MRPS27: variants seen among roughly 807,000 people sequenced by gnomAD.
MRPS27 encodes small ribosomal subunit protein mS27.
MRPS27 carries 43 observed loss-of-function variants against 48.9 expected under a neutral mutation model. The ratio of observed to expected loss-of-function variants is 0.88; its 90% CI spans 0.69 to 1.13. The LOEUF (loss-of-function observed/expected upper bound fraction) is 1.13. Among genes scored for constraint, MRPS27 ranks in the 50% most tolerant of loss-of-function variants. The pLI, the probability that MRPS27 is intolerant of heterozygous loss-of-function variation, is 0.00. For missense variants in MRPS27, 467 were observed against 476.3 expected (o/e 0.98, Z 0.18); for synonymous variants, 188 against 171.9 (o/e 1.09, Z -0.73).
chr5:72,221,609 T>A (rs535766097), intron 10 of MRPS27, among the ~76,000 whole-genome samples: 2 of 152,200 alleles, frequency 1.3e-5, no homozygotes, highest in Non-Finnish European at 2.9e-5. Flanking sequence ...AATTCTAATA[T>A]GCAAACAAAA....
In MRPS27 at chr5:72,320,137, T is replaced by C. The variant is rs960673329; in HGVS notation, c.73+12A>G. The C allele has an allele frequency of 7.4e-6, 12 of 1,613,060 alleles. No individual in the cohort carries two copies. Among genetic ancestry groups the C allele is most frequent in the Non-Finnish European group, 9.3e-6 (11 of 1,179,044 alleles). On this transcript the variant is annotated intron_variant, in intron 1 of 10. Coordinates refer to ENST00000261413, the MANE Select transcript of MRPS27 (RefSeq NM_015084.3). ...AGAATAATCAGGGGCCTAATGAAGC[T>C]GTCCGGCCAACCTGCAGGAGAGAGC...
intron 1 of MRPS27, among the ~76,000 whole-genome samples, chr5:72,318,916 G>T (rs1438570416): frequency 6.6e-6 from 1 of 152,140 alleles, no homozygotes; most frequent in East Asian, 1.9e-4. Context: ...TTCTTACTAA[G>T]GTGTCAAGCG....
At chr5:72,272,985 G>T (rs898444541) in intron 4 of MRPS27, among the ~76,000 whole-genome samples, 1 of 152,038 alleles carries the variant, frequency 6.6e-6, no homozygotes, top group South Asian at 2.1e-4. Context: ...TAAAAATAAG[G>T]CAAACTCATT....
rs527521634 is a variant in MRPS27 at position 72,266,303 on chromosome 5, C to T, written c.282-28175G>A. On this transcript the variant is annotated intron_variant, in intron 4 of 10. Coordinates refer to ENST00000261413, the MANE Select transcript of MRPS27 (RefSeq NM_015084.3). Reference sequence around the variant, plus strand: ...CCAGACTTTCCTTAGCTGAACCATCCGTAACGTGGTGAAGTAGGTATCTTT... The same window carrying T: ...CCAGACTTTCCTTAGCTGAACCATCTGTAACGTGGTGAAGTAGGTATCTTT... Among the ~76,000 whole-genome samples, 9 of 152,218 alleles carry T rather than the reference C, an allele frequency of 5.9e-5. No homozygotes were observed. The South Asian group carries it at 1.7e-3, about 28-fold the overall frequency.
intron 4 of MRPS27, among the ~76,000 whole-genome samples, chr5:72,266,819 C>G (rs1025469558): frequency 3.9e-5 from 6 of 151,912 alleles, no homozygotes; most frequent in Admixed American, 6.6e-5. Flanking sequence ...GAGATCGCCC[C>G]ACTGCACTCC....
intron 2 of MRPS27, chr5:72,307,953 G>A (rs1290962242): frequency 2.6e-5 from 4 of 152,302 alleles, no homozygotes; most frequent in Non-Finnish European, 5.9e-5. Context: ...AGCAATCACT[G>A]AGAAAGCTTT....
chr5:72,225,106 A>G (rs920167799), intron 9 of MRPS27, among the ~76,000 whole-genome samples: 4 of 152,224 alleles, frequency 2.6e-5, no homozygotes, highest in African/African-American at 7.2e-5. Context: ...ATTTATGTAT[A>G]ATTTTGTGTT....
intron 4 of MRPS27, among the ~76,000 whole-genome samples, chr5:72,255,029 C>CTTTTTTTTTTT (rs70999273): frequency 1.4e-5 from 1 of 72,092 alleles, no homozygotes; most frequent in Non-Finnish European, 2.8e-5. Context: ...CATTTCTTTT[C>CTTTTTTTTTTT]TTTTTTTTTT....
intron 4 of MRPS27, among the ~76,000 whole-genome samples, chr5:72,264,416 A>T (rs58641049): frequency 0.013 from 1,982 of 151,618 alleles, 30 homozygotes; most frequent in African/African-American, 0.038. Context: ...TTTCATTTTT[A>T]AAAAAAAAGA....
chr5:72,249,970 C>T (rs1440073908), intron 4 of MRPS27, among the ~76,000 whole-genome samples: 2 of 151,980 alleles, frequency 1.3e-5, no homozygotes, highest in African/African-American at 4.8e-5. Context: ...GGCGACAGAA[C>T]GAGACTCCAT....
chr5:72,248,348 T>C (rs1371346382), intron 4 of MRPS27, among the ~76,000 whole-genome samples: 1 of 152,180 alleles, frequency 6.6e-6, no homozygotes, highest in Non-Finnish European at 1.5e-5. Context: ...AAAGAGCTGT[T>C]TCTTTAGTAA....
chr5:72,319,646 C>A (rs1353150555), intron 1 of MRPS27, among the ~76,000 whole-genome samples: 1 of 149,260 alleles, frequency 6.7e-6, no homozygotes, highest in East Asian at 2.0e-4. Context: ...CGAGTTCAAG[C>A]GATTATCCTG....
chr5:72,230,345 C>T (rs1169746470), intron 7 of MRPS27, among the ~76,000 whole-genome samples: 1 of 152,220 alleles, frequency 6.6e-6, no homozygotes, highest in Non-Finnish European at 1.5e-5. Flanking sequence ...TTATTCTCCA[C>T]TTCATAGCTA....
At chr5:72,278,325 C>T (rs925573723) in intron 4 of MRPS27, among the ~76,000 whole-genome samples, 1 of 151,904 alleles carries the variant, frequency 6.6e-6, no homozygotes, top group African/African-American at 2.4e-5. Context: ...CGCCTCTAGT[C>T]CCAGCTACTT....
intron 4 of MRPS27, among the ~76,000 whole-genome samples, chr5:72,281,820 T>C (rs1749542054): frequency 6.6e-6 from 1 of 152,220 alleles, no homozygotes; most frequent in Admixed American, 6.5e-5. Flanking sequence ...ATTTCAGTGT[T>C]TGACTTATCA....
chr5:72,296,731 G>C (rs1749992428), intron 3 of MRPS27, among the ~76,000 whole-genome samples: 1 of 152,174 alleles, frequency 6.6e-6, no homozygotes, highest in African/African-American at 2.4e-5. Context: ...AGAAAGAAAG[G>C]ACCAGGATTC....
intron 4 of MRPS27, among the ~76,000 whole-genome samples, chr5:72,245,472 G>A (rs985682184): frequency 2.0e-5 from 3 of 151,954 alleles, no homozygotes; most frequent in African/African-American, 7.3e-5. Context: ...AGGAACTGCA[G>A]ATAAAATTTC....
chr5:72,263,814 G>A (rs565061878), intron 4 of MRPS27, among the ~76,000 whole-genome samples: 3 of 152,100 alleles, frequency 2.0e-5, no homozygotes, highest in East Asian at 1.9e-4. Flanking sequence ...TGGTGCAGCT[G>A]GCCACTATGG....
intron 2 of MRPS27, among the ~76,000 whole-genome samples, chr5:72,301,734 T>C (rs1212164486): frequency 6.6e-6 from 1 of 152,230 alleles, no homozygotes; most frequent in Non-Finnish European, 1.5e-5. Context: ...TGAATAACAT[T>C]TGCATTTTCC....
Sources: allele counts gnomAD v4.1 joint callset (sites outside exome capture counted in the v4.1 genomes callset), GRCh38; gene constraint gnomAD v4.1.1; transcripts MANE v1.5; gene names NCBI Gene and HGNC (gene_info 2026-07-23, HGNC 2026-07-21).